The following ZNF385D variants were observed in gnomAD, a reference collection of about 807,000 sequenced individuals.
The protein encoded by ZNF385D is zinc finger protein 385D.
ZNF385D carries 15 observed loss-of-function variants against 35.8 expected under a neutral mutation model. The ratio of observed to expected loss-of-function variants is 0.42; its 90% confidence interval spans 0.28 to 0.64. The LOEUF (loss-of-function observed/expected upper bound fraction) is 0.64, where lower values mean the gene tolerates loss of function less well. ZNF385D is among the 30% of genes least tolerant of loss of function. ZNF385D has a pLI of 0.23. For synonymous variants in ZNF385D, 212 were observed against 186.8 expected (o/e 1.13, Z -1.10); for missense variants, 474 against 494.6 (o/e 0.96, Z 0.39).
At chr3:22,191,893 C>A (rs1426747799) in intron 2 of ZNF385D, among the ~76,000 whole-genome samples, 1 of 136,042 alleles carries the variant, frequency 7.4e-6, no homozygotes, top group Non-Finnish European at 1.5e-5. Context: ...TATTAAATAA[C>A]TCTGAGGTAC....
At chr3:21,862,129 C>G (rs1697087258) in intron 3 of ZNF385D, among the ~76,000 whole-genome samples, 1 of 151,926 alleles carries the variant, frequency 6.6e-6, no homozygotes, top group African/African-American at 2.4e-5. Flanking sequence ...AGCCGAGTAC[C>G]TTGCTTATAT....
intron 3 of ZNF385D, among the ~76,000 whole-genome samples, chr3:21,841,442 A>AT (rs1695667121): frequency 6.6e-6 from 1 of 151,906 alleles, no homozygotes; most frequent in African/African-American, 2.4e-5. Flanking sequence ...TCATTTTAAA[A>AT]AAAGTCAGAC....
intron 3 of ZNF385D, among the ~76,000 whole-genome samples, chr3:21,525,550 G>T (rs1262246466): frequency 6.6e-6 from 1 of 151,834 alleles, no homozygotes; most frequent in Admixed American, 6.6e-5. Flanking sequence ...CAGGCGTGGT[G>T]GTGCATGCCT....
intron 4 of ZNF385D, among the ~76,000 whole-genome samples, chr3:21,468,465 C>T (rs1415107361): frequency 1.3e-5 from 2 of 148,864 alleles, no homozygotes. Context: ...CATAAAAGCA[C>T]CTCTGGAAAG....
At chr3:21,695,337 G>C (rs1043658768) in intron 1 of ZNF385D, among the ~76,000 whole-genome samples, 3 of 152,164 alleles carry the variant, frequency 2.0e-5, no homozygotes, top group Non-Finnish European at 2.9e-5. Flanking sequence ...TTCGAGAGCT[G>C]AGAGAAAGTG....
upstream of ZNF385D, among the ~76,000 whole-genome samples, chr3:21,753,723 TTTTA>T (rs1343976585): frequency 5.3e-5 from 8 of 152,038 alleles, no homozygotes; most frequent in South Asian, 4.2e-4. Flanking sequence ...CATAAAACTA[TTTTA>T]TTTATTTGTA....
chr3:21,435,993 A>AAT (rs1310751158), intron 5 of ZNF385D, among the ~76,000 whole-genome samples: 7 of 152,240 alleles, frequency 4.6e-5, no homozygotes, highest in Admixed American at 4.6e-4. Flanking sequence ...ATACAGCTGC[A>AAT]ATATTAACTC....
intron 3 of ZNF385D, among the ~76,000 whole-genome samples, chr3:22,122,642 G>A (rs1029604110): frequency 1.3e-5 from 2 of 152,086 alleles, no homozygotes; most frequent in Non-Finnish European, 2.9e-5. Flanking sequence ...AGGGTTTCTT[G>A]AATAATAAGT....
chr3:21,553,178 G>C, intron 3 of ZNF385D, among the ~76,000 whole-genome samples: 1 of 152,168 alleles, frequency 6.6e-6, no homozygotes. Flanking sequence ...TAACCTTGCA[G>C]ACAACCTGAC....
chr3:22,233,444 G>T (rs758320910), intron 2 of ZNF385D, among the ~76,000 whole-genome samples: 5 of 152,150 alleles, frequency 3.3e-5, no homozygotes, highest in Non-Finnish European at 7.4e-5. Flanking sequence ...ATTGAGAATG[G>T]TCACAGATGA....
At position 21,660,934 on chromosome 3, in the gene ZNF385D, G is replaced by A. The variant is rs2066220712; in HGVS notation, c.165+3952C>T. Among the ~76,000 whole-genome samples, 3 of 152,272 alleles carry A rather than the reference G, an allele frequency of 2.0e-5. No homozygotes were observed. The South Asian group carries it at 6.2e-4, about 32-fold the overall frequency. On this transcript the variant is annotated intron_variant, in intron 2 of 7. Coordinates refer to ENST00000281523, the MANE Select transcript of ZNF385D (RefSeq NM_024697.3). ...GCATCTCAGCACCAGGGCCACCCCT[G>A]CTTTACATCCCAGAGACTGGAAGCC...
At chr3:22,137,034 T>C (rs34197235) in intron 3 of ZNF385D, among the ~76,000 whole-genome samples, 25,123 of 152,150 alleles carry the variant, frequency 0.17, 2,501 homozygotes, top group African/African-American at 0.28. Flanking sequence ...TCAAAGCCCA[T>C]AGAATGTATA....
chr3:21,915,844 C>T (rs899589427), intron 3 of ZNF385D, among the ~76,000 whole-genome samples: 1 of 151,976 alleles, frequency 6.6e-6, no homozygotes, highest in Non-Finnish European at 1.5e-5. Context: ...AATTTTTGTC[C>T]CTAGTGAAAG....
intron 2 of ZNF385D, among the ~76,000 whole-genome samples, chr3:22,333,819 G>A (rs1209030759): frequency 2.0e-5 from 3 of 152,094 alleles, no homozygotes; most frequent in African/African-American, 7.2e-5. Flanking sequence ...GGTGACCTTG[G>A]GTGGAAGCTG....
chr3:21,987,830 T>C (rs1175108402), intron 3 of ZNF385D, among the ~76,000 whole-genome samples: 2 of 126,988 alleles, frequency 1.6e-5, no homozygotes, highest in African/African-American at 7.8e-5. Context: ...TTTGGTCTTT[T>C]CACATAGTCC....
At position 21,825,516 on chromosome 3, in the gene ZNF385D, T is replaced by A. The variant is rs1394260202; in HGVS notation, c.326-160488A>T. ...AGTGTAGAGTTAGGTGGTTCCGGGG[T>A]TCTTTCAGTGGCTTACAAGCCTTGT... On this transcript the variant is annotated intron_variant, in intron 3 of 5. Coordinates refer to the ZNF385D transcript ENST00000494108. Among the ~76,000 whole-genome samples the A allele has an allele frequency of 3.3e-5, 5 of 150,272 alleles. No homozygotes were observed. In the East Asian group the frequency reaches 9.9e-4, roughly 30 times the overall value.
intron 3 of ZNF385D, among the ~76,000 whole-genome samples, chr3:22,162,076 G>C (rs1705993411): frequency 6.6e-6 from 1 of 152,256 alleles, no homozygotes; most frequent in African/African-American, 2.4e-5. Flanking sequence ...GTTGATGCTA[G>C]TTCCCTTCTC....
intron 3 of ZNF385D, among the ~76,000 whole-genome samples, chr3:22,139,097 T>C (rs1704333226): frequency 2.3e-5 from 1 of 44,150 alleles, no homozygotes; most frequent in Non-Finnish European, 5.8e-5. Flanking sequence ...ATGGCCATCA[T>C]TAAAAAGTCA....
chr3:22,206,388 C>T (rs1697155812), intron 2 of ZNF385D, among the ~76,000 whole-genome samples: 1 of 151,900 alleles, frequency 6.6e-6, no homozygotes. Context: ...AAAGGATCAA[C>T]AAAGAAACAT....
Sources: gnomAD v4.1 joint callset for allele counts (sites outside exome capture counted in the v4.1 genomes callset) on GRCh38, gnomAD v4.1.1 for gene constraint, MANE v1.5 for transcripts, NCBI Gene and HGNC (gene_info 2026-07-23, HGNC 2026-07-21) for gene names.